CSMD1: variants seen among roughly 807,000 people sequenced by gnomAD.
CSMD1 encodes the protein CUB and Sushi multiple domains 1.
Under a neutral mutation model 417.5 loss-of-function variants are expected in CSMD1, and 213 were observed. The observed-to-expected ratio is 0.51, with a 90% CI of 0.46 to 0.57. CSMD1 has a LOEUF of 0.57. Among genes scored for constraint, CSMD1 ranks in the 20% least tolerant of loss-of-function variants. The pLI is 0.00. For missense variants in CSMD1, 6,923 were observed against 4,529.7 expected (o/e 1.53, Z -15.17); for synonymous variants, 2,862 against 1,736.8 (o/e 1.65, Z -16.11).
At chr8:3,760,063 A>T (rs1797907466) in intron 5 of CSMD1, among the ~76,000 whole-genome samples, 1 of 152,124 alleles carries the variant, frequency 6.6e-6, no homozygotes. Flanking sequence ...TTGCCAGGTC[A>T]GGGATATTGG....
chr8:3,298,165 G>A (rs898512320), intron 25 of CSMD1, among the ~76,000 whole-genome samples: 2 of 152,088 alleles, frequency 1.3e-5, no homozygotes, highest in African/African-American at 4.8e-5. Flanking sequence ...TAACCACTTT[G>A]GAAAACTGAT....
intron 1 of CSMD1, among the ~76,000 whole-genome samples, chr8:4,758,318 G>A (rs991495014): frequency 6.6e-6 from 1 of 152,114 alleles, no homozygotes; most frequent in Non-Finnish European, 1.5e-5. Context: ...TTAATTCGCT[G>A]GTTCTGATTC....
intron 3 of CSMD1, among the ~76,000 whole-genome samples, chr8:4,070,752 A>T (rs1585249355): frequency 6.6e-6 from 1 of 152,086 alleles, no homozygotes; most frequent in East Asian, 1.9e-4. Context: ...CATTTCCTCC[A>T]CCACGAGCCT....
At position 3,575,070 on chromosome 8, in the gene CSMD1, G is replaced by C. The variant is rs762808656; in HGVS notation, c.1223-4C>G. 3.1e-6 allele frequency: 5 copies of C among 1,604,878 alleles called. No individual in the cohort carries two copies. The African/African-American group carries it at 4.0e-5, about 13-fold the overall frequency. On this transcript the variant is annotated splice_region_variant and splice_polypyrimidine_tract_variant and intron_variant, in intron 9 of 69. Transcript: ENST00000635120. ...AGATTGGATCCACATGTTCTCGCTG[G>C]AAACACATAGAAACGACGTTATTTT...
chr8:4,899,093 T>C (rs918062775), intron 1 of CSMD1, among the ~76,000 whole-genome samples: 1 of 152,222 alleles, frequency 6.6e-6, no homozygotes, highest in Non-Finnish European at 1.5e-5. Flanking sequence ...AAGTGTGATC[T>C]GTTACATAAA....
intron 1 of CSMD1, among the ~76,000 whole-genome samples, chr8:4,965,392 T>C (rs553505259): frequency 6.6e-5 from 10 of 152,330 alleles, no homozygotes; most frequent in African/African-American, 2.4e-4. Context: ...TCTGAATATT[T>C]TGATTGACCA....
intron 65 of CSMD1, 29 bp downstream of exon 65, chr8:2,954,195 G>A: frequency 7.4e-7 from 1 of 1,358,068 alleles, no homozygotes; most frequent in Non-Finnish European, 1.0e-6. Flanking sequence ...TTATTGGATT[G>A]AAATCTAGAA....
chr8:4,362,298 G>A (rs1046751875), intron 3 of CSMD1, among the ~76,000 whole-genome samples: 37 of 152,052 alleles, frequency 2.4e-4, no homozygotes, highest in Non-Finnish European at 1.3e-4. Context: ...CCTCCTTCAG[G>A]TGGACTCCTT....
intron 49 of CSMD1, among the ~76,000 whole-genome samples, chr8:3,085,627 G>A (rs143122632): frequency 6.6e-6 from 1 of 152,280 alleles, no homozygotes; most frequent in African/African-American, 2.4e-5. Context: ...TTGTATTTCT[G>A]AATCATTTAA....
chr8:4,912,528 C>G (rs981222786), intron 1 of CSMD1, among the ~76,000 whole-genome samples: 1 of 152,182 alleles, frequency 6.6e-6, no homozygotes, highest in Non-Finnish European at 1.5e-5. Flanking sequence ...GCCCCATAAG[C>G]TCGTCTCAAT....
intron 29 of CSMD1, 69 bp from the exon 30 acceptor site, chr8:3,214,760 G>T (rs1000392549): frequency 8.4e-6 from 11 of 1,306,878 alleles, no homozygotes; most frequent in African/African-American, 3.0e-5. Context: ...TTTGTTTGTT[G>T]GGTTGGTTCT....
chr8:4,451,806 G>A (rs1198430970), intron 2 of CSMD1, among the ~76,000 whole-genome samples: 1 of 152,092 alleles, frequency 6.6e-6, no homozygotes, highest in Non-Finnish European at 1.5e-5. Flanking sequence ...CCATCTTAAA[G>A]GATGGGCTCT....
At chr8:4,124,354 G>A (rs1647326) in intron 3 of CSMD1, among the ~76,000 whole-genome samples, 18,991 of 152,122 alleles carry the variant, frequency 0.12, 1,305 homozygotes, top group African/African-American at 0.16. Flanking sequence ...TTTTCTTTAC[G>A]GATATGAAAT....
intron 3 of CSMD1, among the ~76,000 whole-genome samples, chr8:4,350,951 C>A (rs891633333): frequency 6.6e-6 from 1 of 152,132 alleles, no homozygotes; most frequent in East Asian, 1.9e-4. Context: ...TTGCTTTCTG[C>A]AAGTCATCGT....
At chr8:4,392,177 C>T (rs989757095) in intron 3 of CSMD1, among the ~76,000 whole-genome samples, 5 of 152,148 alleles carry the variant, frequency 3.3e-5, no homozygotes, top group Non-Finnish European at 5.9e-5. Context: ...TTTGTTTCAA[C>T]GTGCTAAGTC....
chr8:3,510,781 A>G (rs1325475750), intron 10 of CSMD1, among the ~76,000 whole-genome samples: 1 of 151,726 alleles, frequency 6.6e-6, no homozygotes, highest in African/African-American at 2.4e-5. Flanking sequence ...TTTTTTGCCT[A>G]TGTTTATTAG....
At chr8:4,044,602 A>G (rs554556738) in intron 3 of CSMD1, among the ~76,000 whole-genome samples, 13 of 152,192 alleles carry the variant, frequency 8.5e-5, no homozygotes, top group African/African-American at 3.1e-4. Context: ...TCCGGGTCTC[A>G]TTTTCTTCTC....
chr8:4,083,594 G>A (rs368957214), intron 3 of CSMD1, among the ~76,000 whole-genome samples: 1 of 152,124 alleles, frequency 6.6e-6, no homozygotes, highest in Non-Finnish European at 1.5e-5. Flanking sequence ...ATGGGGAAAG[G>A]ATTCCCTATT....
intron 1 of CSMD1, among the ~76,000 whole-genome samples, chr8:4,954,126 A>T (rs1262995571): frequency 6.6e-6 from 1 of 152,152 alleles, no homozygotes; most frequent in African/African-American, 2.4e-5. Context: ...TTTATTTCTA[A>T]ATGCCAAAGA....
Sources: allele counts gnomAD v4.1 joint callset (sites outside exome capture counted in the v4.1 genomes callset), GRCh38; gene constraint gnomAD v4.1.1; transcripts MANE v1.5; gene names NCBI Gene and HGNC (gene_info 2026-07-23, HGNC 2026-07-21).